The following DOCK11 variants were observed in gnomAD, a reference collection of about 807,000 sequenced individuals.
The protein encoded by DOCK11 is dedicator of cytokinesis 11, also known as dedicator of cytokinesis protein 11.
A neutral mutation model predicts 169.1 loss-of-function variants in DOCK11; 70 were observed. The observed-to-expected ratio is 0.41, with a 90% CI of 0.34 to 0.51. DOCK11 has a LOEUF of 0.51. Among genes scored for constraint, DOCK11 ranks in the 20% least tolerant of loss-of-function variants. The probability of loss-of-function intolerance (pLI) is 0.10; values close to 1 mark genes in which losing one functional copy is unlikely to be tolerated. For synonymous variants in DOCK11, 529 were observed against 541.3 expected (o/e 0.98, Z 0.32); for missense variants, 1,166 against 1,538.8 (o/e 0.76, Z 4.05).
chrX:118,671,001 T>C (rs923827253), intron 45 of DOCK11, 22 bp from the exon 46 acceptor site: 7 of 1,158,352 alleles, frequency 6.0e-6, no homozygotes, highest in Non-Finnish European at 8.1e-6. Flanking sequence ...TAATTCCTAA[T>C]TGGATTTTTC....
At chrX:118,652,536 A>G (rs1288634067) in intron 42 of DOCK11, among the ~76,000 whole-genome samples, 1 of 111,824 alleles carries the variant, frequency 8.9e-6, no homozygotes, top group Non-Finnish European at 1.9e-5. Context: ...GAAGGGATTC[A>G]TTATTTGATG....
At chrX:118,675,350 C>G (rs2016584069) in intron 46 of DOCK11, among the ~76,000 whole-genome samples, 2 of 111,700 alleles carry the variant, frequency 1.8e-5, no homozygotes, top group Non-Finnish European at 3.8e-5. Context: ...ATTTGGCTGC[C>G]CTTTCAGTTA....
intron 1 of DOCK11, among the ~76,000 whole-genome samples, chrX:118,526,730 C>T (rs1260324184): frequency 1.8e-5 from 2 of 112,436 alleles, no homozygotes; most frequent in African/African-American, 6.5e-5. Context: ...AACCATTAAA[C>T]ATTTCAATTG....
chrX:118,654,499 G>A (rs1015697598), intron 42 of DOCK11, 103 bp from the exon 43 acceptor site: 28 of 745,442 alleles, frequency 3.8e-5, no homozygotes, highest in African/African-American at 2.1e-5. Flanking sequence ...ACCAAGAACT[G>A]TAACAGGAAG....
chrX:118,646,053 C>CAAA (rs754457760), intron 40 of DOCK11, among the ~76,000 whole-genome samples: 25 of 38,822 alleles, frequency 6.4e-4, no homozygotes, highest in Admixed American at 1.1e-3. Context: ...GAGACTTCGT[C>CAAA]AAAAAAAAAA....
At chrX:118,656,962 G>T (rs1431866595) in intron 44 of DOCK11, among the ~76,000 whole-genome samples, 1 of 111,822 alleles carries the variant, frequency 8.9e-6, no homozygotes, top group African/African-American at 3.2e-5. Context: ...GAAATCTGAA[G>T]ATTTTTATGT....
At chrX:118,597,348 G>C in intron 20 of DOCK11, 83 bp from the exon 21 acceptor site, 1 of 1,163,263 alleles carries the variant, frequency 8.6e-7, no homozygotes, top group Non-Finnish European at 1.2e-6. Flanking sequence ...TCACCACCCT[G>C]CCCTGCCCCC....
intron 1 of DOCK11, among the ~76,000 whole-genome samples, chrX:118,507,876 C>T (rs1039115349): frequency 5.4e-5 from 6 of 111,165 alleles, no homozygotes; most frequent in Non-Finnish European, 1.1e-4. Flanking sequence ...TAATGAACTC[C>T]AGGTGTCCTG....
At chrX:118,533,993 C>G (rs28394003) in intron 1 of DOCK11, among the ~76,000 whole-genome samples, 10,518 of 111,915 alleles carry the variant, frequency 0.094, 1,238 homozygotes, top group African/African-American at 0.32. Context: ...AGGCACATTT[C>G]TTTTTCTTTC....
chrX:118,680,174 G>A lies in DOCK11; in HGVS notation c.5461-308G>A, dbSNP rs779963610. ...ACCCCTGACCTCAAGTGATCCGCCCGCCTCGGCCTCTTAAAATGCTGGGAT... is the reference window on the plus strand; with the variant it reads ...ACCCCTGACCTCAAGTGATCCGCCCACCTCGGCCTCTTAAAATGCTGGGAT... On this transcript the variant is annotated intron_variant, in intron 48 of 52. Transcript: ENST00000276202. Among the ~76,000 whole-genome samples, 12 of 109,631 alleles carry A rather than the reference G, an allele frequency of 1.1e-4. No individual in the cohort carries two copies. The South Asian group carries it at 1.2e-3, about 11-fold the overall frequency.
At chrX:118,544,677 T>TTTTTTTTTTTA (rs1362943408) in intron 4 of DOCK11, among the ~76,000 whole-genome samples, 1 of 67,267 alleles carries the variant, frequency 1.5e-5, no homozygotes, top group Non-Finnish European at 2.8e-5. Context: ...TTTTTTTTTT[T>TTTTTTTTTTTA]GAGACAGAGT....
intron 1 of DOCK11, among the ~76,000 whole-genome samples, chrX:118,508,355 A>G (rs746686070): frequency 9.2e-4 from 103 of 111,563 alleles, no homozygotes; most frequent in Non-Finnish European, 1.6e-3. Context: ...TTAGTAGTTT[A>G]GTTTTCCCAC....
chrX:118,647,795 TA>T (rs1362977542), intron 40 of DOCK11, among the ~76,000 whole-genome samples: 36 of 27,988 alleles, frequency 1.3e-3, no homozygotes, highest in African/African-American at 3.1e-3. Context: ...TAATATATTA[TA>T]ATATATAATA....
chrX:118,676,813 T>C, intron 48 of DOCK11, 76 bp downstream of exon 48: 5 of 937,133 alleles, frequency 5.3e-6, no homozygotes, highest in Non-Finnish European at 7.2e-6. Flanking sequence ...CTTTTTCCTT[T>C]TTTAACTGGT....
chrX:118,631,333 T>C (rs1283382533), intron 35 of DOCK11, among the ~76,000 whole-genome samples: 1 of 110,034 alleles, frequency 9.1e-6, no homozygotes, highest in Non-Finnish European at 1.9e-5. Context: ...AATAAGTTGA[T>C]ATCTAAGTAG....
intron 44 of DOCK11, among the ~76,000 whole-genome samples, chrX:118,656,621 A>T (rs2016078495): frequency 8.9e-6 from 1 of 112,308 alleles, no homozygotes; most frequent in African/African-American, 3.2e-5. Flanking sequence ...GAGTACCGTG[A>T]TTTCAAGTAT....
chrX:118,640,958 T>A (rs1407254122), intron 38 of DOCK11, among the ~76,000 whole-genome samples: 1 of 110,671 alleles, frequency 9.0e-6, no homozygotes, highest in Non-Finnish European at 1.9e-5. Context: ...CATGCCCGGC[T>A]AATTTTTTGT....
chrX:118,641,407 G>A (rs995124808), intron 39 of DOCK11, 102 bp downstream of exon 39: 1 of 562,180 alleles, frequency 1.8e-6, no homozygotes, highest in African/African-American at 2.3e-5. Flanking sequence ...AGGCTGGCAT[G>A]AATAGTCAGG....
rs903878066 is a variant in DOCK11 at position 118,588,056 on chromosome X, A to G, written c.1796-81A>G. The G allele has an allele frequency of 2.1e-5, 18 of 843,122 alleles. No individual in the cohort carries two copies. The Admixed American group carries it at 3.3e-4, about 16-fold the overall frequency. The allele number at this position is 843,122 out of a possible 1,213,427, so 69.5% of individuals were successfully genotyped here. Reference sequence around the variant, plus strand: ...AAATCGCTCTTTGAGAATGCAATTCATGTATATTTTTTATACATGCAGGAA... The same window carrying G: ...AAATCGCTCTTTGAGAATGCAATTCGTGTATATTTTTTATACATGCAGGAA... On this transcript the variant is annotated intron_variant, in intron 16 of 52. Transcript: ENST00000276202.
Sources: allele counts gnomAD v4.1 joint callset (sites outside exome capture counted in the v4.1 genomes callset), GRCh38; gene constraint gnomAD v4.1.1; transcripts MANE v1.5; gene names NCBI Gene and HGNC (gene_info 2026-07-23, HGNC 2026-07-21).